BLTP1: variants seen among roughly 807,000 people sequenced by gnomAD.
BLTP1 encodes bridge-like lipid transfer protein family member 1.
chr4:122,169,649 A>T, the BLTP1 span: 13 of 965,864 alleles, frequency 1.3e-5, no homozygotes, highest in South Asian at 6.2e-4. Flanking sequence ...ATTCATATTC[A>T]TCCTACTGTG....
the BLTP1 span, among the ~76,000 whole-genome samples, chr4:122,163,698 C>T: frequency 6.6e-6 from 1 of 152,202 alleles, no homozygotes; most frequent in African/African-American, 2.4e-5. Context: ...TCACTTTACA[C>T]ATGAGGAAAC....
chr4:122,183,103 A>G, the BLTP1 span: 1 of 774,642 alleles, frequency 1.3e-6, no homozygotes, highest in Non-Finnish European at 1.6e-6. Flanking sequence ...TGGAAGGCCT[A>G]AGTGGGAGGA....
At chr4:122,290,810 T>TACAC in the BLTP1 span, 4 of 37,560 alleles carry the variant, frequency 1.1e-4, no homozygotes, top group Admixed American at 2.8e-4. Context: ...AAAAAAAAAA[T>TACAC]ATACACACAC....
chr4:122,272,176 A>G, the BLTP1 span: 1 of 1,613,006 alleles, frequency 6.2e-7, no homozygotes, highest in South Asian at 1.1e-5. Context: ...GGAGCCCTAC[A>G]GAGCCAACAT....
At chr4:122,249,316 A>G in the BLTP1 span, 7 of 724,754 alleles carry the variant, frequency 9.7e-6, no homozygotes, top group African/African-American at 1.2e-4. Flanking sequence ...TCTTCCTCTT[A>G]GGCAGCATTA....
chr4:122,329,711 G>C, the BLTP1 span, among the ~76,000 whole-genome samples: 1 of 151,610 alleles, frequency 6.6e-6, no homozygotes, highest in African/African-American at 2.4e-5. Context: ...TATACAATTT[G>C]ATAAGTTCTT....
chr4:122,157,851 T>C, the BLTP1 span, among the ~76,000 whole-genome samples: 1 of 152,182 alleles, frequency 6.6e-6, no homozygotes, highest in Non-Finnish European at 1.5e-5. Flanking sequence ...TCCATTTGGC[T>C]CTCTGCCTAG....
the BLTP1 span, among the ~76,000 whole-genome samples, chr4:122,171,531 C>T: frequency 1.3e-5 from 2 of 151,938 alleles, no homozygotes; most frequent in African/African-American, 4.8e-5. Flanking sequence ...TGTTGTCTCA[C>T]TTAATGCTCA....
At chr4:122,280,205 C>T in the BLTP1 span, 1 of 984,746 alleles carries the variant, frequency 1.0e-6, no homozygotes, top group Non-Finnish European at 1.2e-6. Context: ...TTCCATATTG[C>T]ATAAACAAAG....
the BLTP1 span, among the ~76,000 whole-genome samples, chr4:122,304,391 A>G: frequency 6.6e-6 from 1 of 152,070 alleles, no homozygotes; most frequent in African/African-American, 2.4e-5. Context: ...TTGTATTTTT[A>G]GTAGAGATAG....
the BLTP1 span, chr4:122,309,080 T>A: frequency 3.2e-6 from 1 of 316,686 alleles, no homozygotes; most frequent in Non-Finnish European, 4.6e-6. Flanking sequence ...AGAAAAAAAA[T>A]GCACATGGCA....
At chr4:122,290,415 T>A in the BLTP1 span, among the ~76,000 whole-genome samples, 1 of 152,172 alleles carries the variant, frequency 6.6e-6, no homozygotes, top group South Asian at 2.1e-4. Context: ...ACATTTTTTA[T>A]GATAGGAAAG....
the BLTP1 span, among the ~76,000 whole-genome samples, chr4:122,284,747 A>G: frequency 1.6e-4 from 25 of 152,266 alleles, no homozygotes; most frequent in Non-Finnish European, 3.2e-4. Flanking sequence ...TAACTGTTCT[A>G]TTTTGTTATC....
the BLTP1 span, among the ~76,000 whole-genome samples, chr4:122,163,517 T>C: frequency 6.6e-6 from 1 of 152,220 alleles, no homozygotes; most frequent in South Asian, 2.1e-4. Context: ...GCAGGTTTCC[T>C]GTGTAGAGGT....
chr4:122,172,586 A>T, the BLTP1 span, among the ~76,000 whole-genome samples: 1 of 152,336 alleles, frequency 6.6e-6, no homozygotes, highest in Non-Finnish European at 1.5e-5. Flanking sequence ...GCACAGCTTT[A>T]AAAAGCAGAA....
chr4:122,301,124 G>T, the BLTP1 span: 2 of 726,886 alleles, frequency 2.8e-6, no homozygotes, highest in South Asian at 1.3e-4. Flanking sequence ...GTCTACATAT[G>T]CAGAATTATC....
At chr4:122,239,446 T>A in the BLTP1 span, 4 of 1,229,964 alleles carry the variant, frequency 3.3e-6, no homozygotes, top group East Asian at 9.7e-5. Context: ...AGGATTTTTA[T>A]TGATATTTGT....
chr4:122,224,717 T>C, the BLTP1 span: 23 of 1,613,632 alleles, frequency 1.4e-5, no homozygotes, highest in South Asian at 2.3e-4. Context: ...TTATTTTCTT[T>C]TTCCTTTCTC....
chr4:122,258,642 G>A, the BLTP1 span: 1 of 1,552,584 alleles, frequency 6.4e-7, no homozygotes, highest in East Asian at 2.3e-5. Context: ...CATAGGGGCT[G>A]ATGTTTCATG....
Sources: gnomAD v4.1 joint callset for allele counts (sites outside exome capture counted in the v4.1 genomes callset) on GRCh38, gnomAD v4.1.1 for gene constraint, MANE v1.5 for transcripts, NCBI Gene and HGNC (gene_info 2026-07-23, HGNC 2026-07-21) for gene names.